Variants in TLK2 observed in about 807,000 individuals in gnomAD.
TLK2 encodes tousled like kinase 2, also known as serine/threonine-protein kinase tousled-like 2.
A neutral mutation model predicts 117.3 loss-of-function variants in TLK2; 6 were observed. That is an observed-to-expected ratio of 0.05 (90% confidence interval 0.03 to 0.10). TLK2 has a LOEUF of 0.10. Among genes scored for constraint, TLK2 ranks in the 10% least tolerant of loss-of-function variants. TLK2 has a pLI of 1.00. For synonymous variants in TLK2, 257 were observed against 316.7 expected (o/e 0.81, Z 2.00); for missense variants, 299 against 901.2 (o/e 0.33, Z 8.56).
At chr17:62,512,550 G>A (rs2075236297) in intron 2 of TLK2, among the ~76,000 whole-genome samples, 1 of 151,972 alleles carries the variant, frequency 6.6e-6, no homozygotes, top group East Asian at 1.9e-4. Flanking sequence ...ATATTTTTTT[G>A]CCAATTTTCT....
At chr17:62,472,950 T>C (rs930742993) in intron 1 of TLK2, among the ~76,000 whole-genome samples, 4 of 152,198 alleles carry the variant, frequency 2.6e-5, no homozygotes, top group African/African-American at 7.2e-5. Flanking sequence ...GACAGCTATC[T>C]GGATTTAAGA....
chr17:62,533,569 C>T (rs1383896160), intron 6 of TLK2, among the ~76,000 whole-genome samples: 1 of 151,476 alleles, frequency 6.6e-6, no homozygotes, highest in African/African-American at 2.4e-5. Flanking sequence ...CTCTGCCTCC[C>T]GCGTTCAAGT....
intron 2 of TLK2, among the ~76,000 whole-genome samples, chr17:62,501,704 A>G (rs937562517): frequency 6.6e-6 from 1 of 152,218 alleles, no homozygotes; most frequent in Admixed American, 6.5e-5. Context: ...TCATGGCTCT[A>G]GTCCCAGCAC....
chr17:62,589,838 ACT>A (rs1268152143), intron 16 of TLK2, among the ~76,000 whole-genome samples: 3 of 151,754 alleles, frequency 2.0e-5, no homozygotes, highest in Admixed American at 6.6e-5. Context: ...ACAGAGTCTC[ACT>A]CTGTTGCCCA....
Position 62,580,236 on chromosome 17 carries a change from C to T in TLK2, c.1368+44C>T, listed in dbSNP as rs367594540. On this transcript the variant is annotated intron_variant, in intron 15 of 21. Coordinates refer to ENST00000346027, the MANE Select transcript of TLK2 (RefSeq NM_006852.6). ...ATACAAAGACTGGGGGTTAAATTAT[C>T]GGCTCCTACCAACTTGGAGAACATT... is the stretch of plus-strand genomic sequence containing the variant. 7.0e-6 allele frequency: 10 copies of T among 1,425,424 alleles called. No homozygotes were observed. In the African/African-American group the frequency reaches 7.1e-5, roughly 10 times the overall value. 88.3% of individuals were successfully genotyped at this position (1,425,424 alleles called of 1,614,324 possible).
chr17:62,505,740 G>A (rs1035206041), intron 2 of TLK2, among the ~76,000 whole-genome samples: 2 of 152,048 alleles, frequency 1.3e-5, no homozygotes, highest in Non-Finnish European at 2.9e-5. Flanking sequence ...ATTCCAGGCT[G>A]GAGCGCAGTG....
chr17:62,512,858 A>AT (rs1567823913), intron 2 of TLK2, among the ~76,000 whole-genome samples: 1,110 of 89,626 alleles, frequency 0.012, 9 homozygotes, highest in Middle Eastern at 0.038. Context: ...TTAAAAATTT[A>AT]TTAATTATTA....
intron 6 of TLK2, among the ~76,000 whole-genome samples, chr17:62,527,101 G>A (rs1237623015): frequency 6.6e-6 from 1 of 152,064 alleles, no homozygotes; most frequent in African/African-American, 2.4e-5. Flanking sequence ...TTTGCTATAG[G>A]GTCTTTGTAC....
intron 13 of TLK2, among the ~76,000 whole-genome samples, chr17:62,577,512 C>T (rs1033268020): frequency 9.2e-5 from 14 of 152,114 alleles, no homozygotes; most frequent in African/African-American, 3.4e-4. Context: ...TTATGTGAAC[C>T]TTATTCAAAT....
At chr17:62,486,028 G>A (rs986817037) in intron 2 of TLK2, among the ~76,000 whole-genome samples, 4 of 151,878 alleles carry the variant, frequency 2.6e-5, no homozygotes, top group African/African-American at 9.7e-5. Flanking sequence ...CACCGTGTTA[G>A]CCAGGATGGT....
intron 15 of TLK2, among the ~76,000 whole-genome samples, chr17:62,584,250 G>C (rs1373302061): frequency 6.6e-6 from 1 of 150,872 alleles, no homozygotes; most frequent in African/African-American, 2.4e-5. Context: ...CCAAGTAGCT[G>C]GGACTACAGG....
chr17:62,602,319 A>G (rs2082930558), intron 19 of TLK2, 139 bp downstream of exon 19: 4 of 757,886 alleles, frequency 5.3e-6, no homozygotes, highest in South Asian at 2.9e-5. Context: ...TCCCCAAATC[A>G]TTACTGTCTT....
intron 16 of TLK2, among the ~76,000 whole-genome samples, chr17:62,590,848 C>T (rs2082024442): frequency 6.6e-6 from 1 of 152,190 alleles, no homozygotes; most frequent in African/African-American, 2.4e-5. Context: ...TAAAAACGTA[C>T]ATACTTTTTC....
At chr17:62,476,705 A>C (rs1221903987), upstream of TLK2, among the ~76,000 whole-genome samples, 1 of 152,180 alleles carries the variant, frequency 6.6e-6, no homozygotes, top group African/African-American at 2.4e-5. Flanking sequence ...CTGTGGAAAG[A>C]GCTAGGCTGC....
chr17:62,583,838 A>C (rs771956051), intron 15 of TLK2, among the ~76,000 whole-genome samples: 18 of 152,146 alleles, frequency 1.2e-4, no homozygotes, highest in Non-Finnish European at 2.4e-4. Context: ...CGGCCTCCCA[A>C]AGTGCTGGGA....
chr17:62,563,532 G>C (rs1192170204), intron 10 of TLK2, among the ~76,000 whole-genome samples: 1 of 152,188 alleles, frequency 6.6e-6, no homozygotes, highest in Non-Finnish European at 1.5e-5. Context: ...GGAAAAATGT[G>C]TTCTGGGCAT....
intron 7 of TLK2, among the ~76,000 whole-genome samples, chr17:62,536,622 G>T (rs1002690603): frequency 7.9e-5 from 12 of 151,946 alleles, no homozygotes; most frequent in Non-Finnish European, 1.5e-4. Flanking sequence ...GATTGACAAA[G>T]AAGAAAATAC....
chr17:62,570,764 T>C (rs1211576331), intron 11 of TLK2, among the ~76,000 whole-genome samples: 1 of 152,172 alleles, frequency 6.6e-6, no homozygotes, highest in Non-Finnish European at 1.5e-5. Flanking sequence ...GGTTTATATA[T>C]ATTATGGCTG....
At chr17:62,537,785 A>G (rs980321495) in intron 7 of TLK2, among the ~76,000 whole-genome samples, 3 of 152,178 alleles carry the variant, frequency 2.0e-5, no homozygotes, top group Non-Finnish European at 4.4e-5. Context: ...ATCTTTAATC[A>G]TCAAAGGAAT....
Sources: gnomAD v4.1 joint callset for allele counts (sites outside exome capture counted in the v4.1 genomes callset) on GRCh38, gnomAD v4.1.1 for gene constraint, MANE v1.5 for transcripts, NCBI Gene and HGNC (gene_info 2026-07-23, HGNC 2026-07-21) for gene names.